The following MAGI1 variants were observed in gnomAD, a reference collection of about 807,000 sequenced individuals.
The protein encoded by MAGI1 is membrane associated guanylate kinase, WW and PDZ domain containing 1.
Under a neutral mutation model 139.9 loss-of-function variants are expected in MAGI1, and 58 were observed. That is an observed-to-expected ratio of 0.41 (90% CI 0.34 to 0.52). The LOEUF is 0.52. MAGI1 is among the 20% of genes least tolerant of loss of function. The pLI is 0.12. For synonymous variants in MAGI1, 812 were observed against 737.9 expected (o/e 1.10, Z -1.63); for missense variants, 1,874 against 1,901.6 (o/e 0.99, Z 0.27).
chr3:65,797,358 A>T (rs814752), intron 1 of MAGI1, among the ~76,000 whole-genome samples: 25,478 of 152,194 alleles, frequency 0.17, 2,547 homozygotes, highest in South Asian at 0.34. Context: ...TCTAGAATAG[A>T]TTTTTAATTA....
intron 1 of MAGI1, among the ~76,000 whole-genome samples, chr3:65,865,100 A>G (rs928605349): frequency 1.3e-5 from 2 of 152,180 alleles, no homozygotes; most frequent in Non-Finnish European, 2.9e-5. Flanking sequence ...CATACACACA[A>G]CTACATAGAC....
In MAGI1 at chr3:65,780,816, C is replaced by T. The variant is rs536848155; in HGVS notation, c.314-158728G>A. On this transcript the variant is annotated intron_variant, in intron 1 of 22. Transcript: ENST00000402939. ...ATGAGAAGGAAAAGAATCTAGCCCA[C>T]ATGGGGCAGAAGAAGGGATTTGCAC... is the stretch of plus-strand genomic sequence containing the variant. 9.9e-4 allele frequency among the ~76,000 whole-genome samples: 151 copies of T among 152,264 alleles called. 1 individual carries two copies. The highest frequency in any genetic ancestry group is 2.9e-3 in the Admixed American group (44 of 15,288).
At chr3:65,564,149 C>G (rs1445275440) in intron 2 of MAGI1, among the ~76,000 whole-genome samples, 1 of 151,890 alleles carries the variant, frequency 6.6e-6, no homozygotes, top group Non-Finnish European at 1.5e-5. Flanking sequence ...CTGACTAGGT[C>G]AGGAAAAACC....
At chr3:66,011,087 T>A (rs1411585269) in intron 1 of MAGI1, among the ~76,000 whole-genome samples, 5 of 152,058 alleles carry the variant, frequency 3.3e-5, no homozygotes, top group Non-Finnish European at 7.4e-5. Context: ...AGGGCTAGAG[T>A]TCAGACTTTT....
intron 2 of MAGI1, among the ~76,000 whole-genome samples, chr3:65,499,358 T>C (rs907603537): frequency 6.6e-6 from 1 of 152,120 alleles, no homozygotes; most frequent in Non-Finnish European, 1.5e-5. Context: ...TGGTAAAGAA[T>C]GGTTAAATTG....
intron 1 of MAGI1, among the ~76,000 whole-genome samples, chr3:65,937,203 T>C (rs2063106253): frequency 6.6e-6 from 1 of 152,160 alleles, no homozygotes. Flanking sequence ...TTATTACTGT[T>C]TGAGATTTTG....
At chr3:65,678,918 C>T (rs142396662) in intron 1 of MAGI1, among the ~76,000 whole-genome samples, 2 of 152,204 alleles carry the variant, frequency 1.3e-5, no homozygotes, top group East Asian at 1.9e-4. Flanking sequence ...ATTTTCTATC[C>T]GCATTGACAC....
chr3:65,493,750 C>T (rs1952223832), intron 2 of MAGI1, 119 bp from the exon 3 acceptor site: 5 of 1,149,280 alleles, frequency 4.4e-6, no homozygotes, highest in Non-Finnish European at 5.0e-6. Context: ...ACTCTGCTGC[C>T]TCATCTGTCC....
intron 1 of MAGI1, among the ~76,000 whole-genome samples, chr3:65,825,192 A>G (rs2042157732): frequency 6.6e-6 from 1 of 152,204 alleles, no homozygotes; most frequent in African/African-American, 2.4e-5. Context: ...AAAAGAAGAG[A>G]GCTTATAGCT....
At chr3:65,438,918 AAATCT>A (rs1362809700) in intron 9 of MAGI1, among the ~76,000 whole-genome samples, 2 of 152,196 alleles carry the variant, frequency 1.3e-5, no homozygotes, top group African/African-American at 4.8e-5. Context: ...ACGAAGCCTA[AAATCT>A]TTATTATCTG....
At chr3:65,808,663 G>A (rs7632594) in intron 1 of MAGI1, among the ~76,000 whole-genome samples, 3,543 of 152,156 alleles carry the variant, frequency 0.023, 118 homozygotes, top group African/African-American at 0.072. Flanking sequence ...ATACCCGTGG[G>A]ACCCACTGCA....
chr3:65,406,824 G>A (rs1945379840), intron 12 of MAGI1, among the ~76,000 whole-genome samples: 1 of 152,030 alleles, frequency 6.6e-6, no homozygotes, highest in African/African-American at 2.4e-5. Context: ...TATATCGAGG[G>A]GGAGAGAGAC....
chr3:65,957,425 G>A (rs555503783), intron 1 of MAGI1, among the ~76,000 whole-genome samples: 1 of 151,032 alleles, frequency 6.6e-6, no homozygotes, highest in African/African-American at 2.4e-5. Flanking sequence ...CGGCGCTGAG[G>A]TGGGAAGATC....
intron 1 of MAGI1, among the ~76,000 whole-genome samples, chr3:65,939,265 T>C (rs935101638): frequency 6.6e-6 from 1 of 152,186 alleles, no homozygotes; most frequent in African/African-American, 2.4e-5. Context: ...GGTTTCCACA[T>C]TTCTATTCCT....
intron 1 of MAGI1, among the ~76,000 whole-genome samples, chr3:65,627,480 T>C (rs943982640): frequency 1.4e-5 from 2 of 141,734 alleles, no homozygotes; most frequent in African/African-American, 2.6e-5. Context: ...TTTATATTTC[T>C]GTATCTTTTT....
intron 1 of MAGI1, among the ~76,000 whole-genome samples, chr3:65,831,256 C>G (rs928914159): frequency 3.3e-5 from 5 of 152,224 alleles, no homozygotes; most frequent in African/African-American, 1.2e-4. Flanking sequence ...GCTTCAGTTT[C>G]TCCTTCGCTA....
chr3:65,851,227 A>G (rs1200558719), intron 1 of MAGI1, among the ~76,000 whole-genome samples: 3 of 152,186 alleles, frequency 2.0e-5, no homozygotes, highest in Non-Finnish European at 4.4e-5. Flanking sequence ...TCAGCCAGGG[A>G]TAAAACTAAT....
chr3:65,808,639 C>T (rs1378990511), intron 1 of MAGI1, among the ~76,000 whole-genome samples: 2 of 152,200 alleles, frequency 1.3e-5, no homozygotes, highest in Non-Finnish European at 2.9e-5. Context: ...TCAGCAGGAA[C>T]TGACACAAGT....
chr3:65,965,881 G>C (rs1220659353), intron 1 of MAGI1, among the ~76,000 whole-genome samples: 1 of 152,094 alleles, frequency 6.6e-6, no homozygotes, highest in Non-Finnish European at 1.5e-5. Flanking sequence ...CTCGAACTCT[G>C]ACCTCAAGTG....
Sources: allele counts gnomAD v4.1 joint callset (sites outside exome capture counted in the v4.1 genomes callset), GRCh38; gene constraint gnomAD v4.1.1; transcripts MANE v1.5; gene names NCBI Gene and HGNC (gene_info 2026-07-23, HGNC 2026-07-21).